The following SORL1 variants were observed in gnomAD, a reference collection of about 807,000 sequenced individuals.
The protein encoded by SORL1 is sortilin related receptor 1, also known as sortilin-related receptor.
SORL1 carries 127 observed loss-of-function variants against 273.7 expected under a neutral mutation model. The ratio of observed to expected loss-of-function variants is 0.46; its 90% CI spans 0.40 to 0.54. SORL1 has a LOEUF of 0.54. SORL1 is among the 20% of genes least tolerant of loss of function. The pLI is 0.00. For missense variants in SORL1, 2,494 were observed against 2,846.1 expected, an observed-to-expected ratio of 0.88 and a Z score of 2.81; for synonymous variants, 1,031 against 1,067.4, an observed-to-expected ratio of 0.97 and a Z score of 0.66.
At chr11:121,597,349 G>A (rs1863310839) in intron 32 of SORL1, among the ~76,000 whole-genome samples, 1 of 152,178 alleles carries the variant, frequency 6.6e-6, no homozygotes, top group Admixed American at 6.5e-5. Flanking sequence ...ATCATGCACA[G>A]CGTGGCAGGC....
intron 2 of SORL1, 38 bp downstream of exon 2, chr11:121,470,161 A>G (rs116967561): frequency 0.03 from 40,514 of 1,343,184 alleles, 745 homozygotes; most frequent in Middle Eastern, 0.039. Flanking sequence ...CCTTGGTGCC[A>G]TCAACATGCC....
At chr11:121,454,065 T>A (rs1181188204) in intron 1 of SORL1, among the ~76,000 whole-genome samples, 1 of 152,268 alleles carries the variant, frequency 6.6e-6, no homozygotes, top group African/African-American at 2.4e-5. Flanking sequence ...TCAGTTCCTC[T>A]TGGGCCCAGA....
At chr11:121,580,536 A>G (rs979657295) in intron 25 of SORL1, among the ~76,000 whole-genome samples, 1 of 131,780 alleles carries the variant, frequency 7.6e-6, no homozygotes, top group Non-Finnish European at 1.7e-5. Flanking sequence ...TTAATACTTT[A>G]TGTTTTTTCT....
At chr11:121,587,612 A>G (rs963513289) in intron 27 of SORL1, among the ~76,000 whole-genome samples, 26 of 152,284 alleles carry the variant, frequency 1.7e-4, no homozygotes, top group African/African-American at 6.3e-4. Flanking sequence ...GCATTCCATA[A>G]TATTAGTTCC....
At position 121,633,499 on chromosome 11, in the gene SORL1, TG is replaced by T. The variant is rs1245205724; in HGVS notation, c.*3937del. On this transcript the variant is annotated 3_prime_UTR_variant, in exon 48 of 48. Coordinates refer to ENST00000260197, the MANE Select transcript of SORL1 (RefSeq NM_003105.6). ...TCTACTCTTATTTAAAGTGAAACACTGTATACTTGTTTCTCTCCAAAGCGAA... is the reference window on the plus strand; with the variant it reads ...TCTACTCTTATTTAAAGTGAAACACTTATACTTGTTTCTCTCCAAAGCGAA... 3.3e-5 allele frequency: 5 copies of T among 152,366 alleles called. No individual in the cohort carries two copies. The highest frequency in any genetic ancestry group is 3.3e-4 in the Admixed American group (5 of 15,304). 9.4% of individuals were successfully genotyped at this position (152,366 alleles called of 1,614,324 possible). A position where few individuals can be genotyped will look rare whatever the true frequency, so the allele number is the denominator to read the frequency against.
At position 121,589,332 on chromosome 11, in the gene SORL1, G is replaced by T; in HGVS notation, c.4020G>T (p.Leu1340Phe). The change falls in exon 29 of 48, where the codon TTG (leucine) becomes TTT (phenylalanine). Residue 1340 changes from leucine (L) to phenylalanine (F), a missense_variant. Around this residue, in one of 3 missense-constraint regions of SORL1, gnomAD observed 1,609 missense variants for 1,816.4 expected, o/e 0.89. Transcript: ENST00000260197. The part of the protein sequence containing the change: ...FQCQNGVCIS[L>F]IWKCDGMDDC... ...GTCAGAATGGAGTGTGCATCAGTTTGATTTGGAAGTGCGACGGGATGGATG... is the reference window on the plus strand; with the variant it reads ...GTCAGAATGGAGTGTGCATCAGTTTTATTTGGAAGTGCGACGGGATGGATG... 6.2e-7 allele frequency: 1 copy of T among 1,613,962 alleles called. No individual in the cohort carries two copies. The highest frequency in any genetic ancestry group is 1.1e-5 in the South Asian group (1 of 91,070).
At position 121,627,337 on chromosome 11, in the gene SORL1, A is replaced by G. The variant is rs1265600566; in HGVS notation, c.6365-218A>G. 8.6e-6 allele frequency: 5 copies of G among 582,022 alleles called. No individual in the cohort carries two copies. Among genetic ancestry groups the G allele is most frequent in the Middle Eastern group, 4.5e-4 (1 of 2,226 alleles). 36.1% of individuals were successfully genotyped at this position (582,022 alleles called of 1,614,324 possible). A position where few individuals can be genotyped will look rare whatever the true frequency, so the allele number is the denominator to read the frequency against. On this transcript the variant is annotated intron_variant, in intron 46 of 47. Transcript: ENST00000260197. The surrounding 1 kb of genome is among the most constrained non-coding windows in gnomAD (Gnocchi z 4.9). ...TGATTAGGAGTCTAATGTAATTACC[A>G]TATTTGCATGCACAAGGCCCTTGGT...
chr11:121,481,405 TCTC>T (rs1033804028), intron 3 of SORL1, among the ~76,000 whole-genome samples: 1 of 124,060 alleles, frequency 8.1e-6, no homozygotes, highest in Non-Finnish European at 1.7e-5. Flanking sequence ...GCAGGCTCCA[TCTC>T]CTCCTCCCCA....
chr11:121,584,276 A>G (rs1591338502), intron 26 of SORL1, among the ~76,000 whole-genome samples: 1 of 152,238 alleles, frequency 6.6e-6, no homozygotes, highest in Non-Finnish European at 1.5e-5. Context: ...AAAACGTTGC[A>G]TGTTTCCCCA....
At chr11:121,608,410 T>TA in intron 38 of SORL1, 4 of 489,320 alleles carry the variant, frequency 8.2e-6, no homozygotes, top group Non-Finnish European at 1.4e-5. Context: ...AATGCAGACA[T>TA]ACAAAGGGAT....
At chr11:121,555,115 C>G in intron 17 of SORL1, 72 bp from the exon 18 acceptor site, 1 of 1,491,470 alleles carries the variant, frequency 6.7e-7, no homozygotes, top group Non-Finnish European at 9.0e-7. Flanking sequence ...AAGGGTTACC[C>G]TTCATGGGAC....
Position 121,549,988 on chromosome 11 carries a change from T to C in SORL1, c.2080T>C (p.Leu694=). 1 of 1,613,680 alleles carries C rather than the reference T, an allele frequency of 6.2e-7. No individual in the cohort carries two copies. The highest frequency in any genetic ancestry group is 1.7e-4 in the Middle Eastern group (1 of 6,058). The part of the protein sequence containing the change: ...CDFGFKMSED[L]SLEVCVPDPE... ...CTTCGGTTTCAAGATGAGTGAAGAT[T>C]TGTCATTAGAGGTTTGTGTTCCAGA... Residue 694 remains leucine, a synonymous_variant, in exon 15 of 48, where the codon TTG becomes CTG. Transcript: ENST00000260197.
chr11:121,632,151 A>C lies in SORL1; in HGVS notation c.*2588A>C, dbSNP rs547374543. ...TCACACTGTGCAGGAAAAAGGTTTT[A>C]TTCTCTCCTGGCATACATTAGAATG... On this transcript the variant is annotated 3_prime_UTR_variant, in exon 48 of 48. Transcript: ENST00000260197. 6.6e-6 allele frequency: 1 copy of C among 152,256 alleles called. No homozygotes were observed. Among genetic ancestry groups the C allele is most frequent in the Admixed American group, 6.5e-5 (1 of 15,294 alleles). The allele number at this position is 152,256 out of a possible 1,614,324, so 9.4% of individuals were successfully genotyped here.
intron 32 of SORL1, among the ~76,000 whole-genome samples, chr11:121,602,319 T>A (rs1283513670): frequency 1.3e-5 from 2 of 152,236 alleles, no homozygotes; most frequent in South Asian, 4.1e-4. Flanking sequence ...GACAATTTTT[T>A]ATCAGGATTG....
Position 121,619,865 on chromosome 11 carries a change from C to T in SORL1, c.5837C>T (p.Thr1946Ile), listed in dbSNP as rs578053448. The change falls in exon 43 of 48, where the codon ACC (threonine) becomes ATC (isoleucine). Residue 1946 changes from threonine to isoleucine, a missense_variant. Thr to Ile is a moderately conservative substitution (Grantham distance 89). This residue lies in a region of SORL1 where 1,609 missense variants were observed against 1,816.4 expected (regional missense o/e 0.89). Transcript: ENST00000260197. ...CTGCATGTGGTTCATACGGGCAAAA[C>T]CTCCGTGGTCATCAAGTGGGAATCA... Reference protein sequence around the residue: ...RHLHVVHTGKTSVVIKWESPY... With the variant: ...RHLHVVHTGKISVVIKWESPY... 48 of 1,614,092 alleles carry T rather than the reference C, an allele frequency of 3.0e-5. No homozygotes were observed. The East Asian group carries it at 1.0e-3, about 34-fold the overall frequency.
chr11:121,533,806 CTGG>C (rs1402831840), intron 12 of SORL1, among the ~76,000 whole-genome samples: 1 of 152,060 alleles, frequency 6.6e-6, no homozygotes, highest in Non-Finnish European at 1.5e-5. Flanking sequence ...AAGCAAAGTA[CTGG>C]TGTTTGGCAT....
chr11:121,550,548 A>G lies in SORL1; in HGVS notation c.2181-37A>G, dbSNP rs768164033. 1.3e-6 allele frequency: 2 copies of G among 1,593,848 alleles called. No homozygotes were observed. Among genetic ancestry groups the G allele is most frequent in the South Asian group, 1.1e-5 (1 of 90,638 alleles). On this transcript the variant is annotated intron_variant, in intron 15 of 47. Transcript: ENST00000260197. The surrounding 1 kb of genome is among the most constrained non-coding windows in gnomAD (Gnocchi z 5.3). Reference sequence around the variant, plus strand: ...GGGATGCCTTTGTGGCTATTCTTCCATGTTTCTGACCTCTTGCTCTTGGGG... The same window carrying G: ...GGGATGCCTTTGTGGCTATTCTTCCGTGTTTCTGACCTCTTGCTCTTGGGG...
rs1454821507 is a variant in SORL1, at chr11:121,525,895, G to GTGCA, written c.1596+2910_1596+2913dup. Among the ~76,000 whole-genome samples the GTGCA allele has an allele frequency of 3.9e-5, 6 of 152,276 alleles. No homozygotes were observed. In the East Asian group the frequency reaches 1.2e-3, roughly 29 times the overall value. ...AAAATAAAAATAGCCAGGCATGGTG[G>GTGCA]TGCATGCCTGTAGTCCTAGCTAGTT... On this transcript the variant is annotated intron_variant, in intron 11 of 47. Transcript: ENST00000260197.
At chr11:121,628,411 G>A (rs1230683234) in intron 47 of SORL1, among the ~76,000 whole-genome samples, 1 of 152,184 alleles carries the variant, frequency 6.6e-6, no homozygotes, top group Non-Finnish European at 1.5e-5. Context: ...TGGATCCCTT[G>A]CACGCTCAGT....
Sources: allele counts gnomAD v4.1 joint callset (sites outside exome capture counted in the v4.1 genomes callset), GRCh38; gene constraint gnomAD v4.1.1; regional missense constraint gnomAD v4.1.1; non-coding constraint Gnocchi (gnomAD v3.1); transcripts MANE v1.5; gene names NCBI Gene and HGNC (gene_info 2026-07-23, HGNC 2026-07-21).